Variants in ANO2 observed in about 807,000 individuals in gnomAD.
The protein encoded by ANO2 is anoctamin-2.
Under a neutral mutation model 124.2 loss-of-function variants are expected in ANO2, and 101 were observed. That is an observed-to-expected ratio of 0.81 (90% CI 0.69 to 0.96). The LOEUF (loss-of-function observed/expected upper bound fraction) is 0.96. ANO2 is among the 40% of genes least tolerant of loss of function. The pLI is 0.00. For synonymous variants in ANO2, 486 were observed against 482.5 expected, an observed-to-expected ratio of 1.01 and a Z score of -0.09; for missense variants, 1,293 against 1,274.5, an observed-to-expected ratio of 1.01 and a Z score of -0.22.
chr12:5,601,297 G>T (rs759740936), intron 19 of ANO2, among the ~76,000 whole-genome samples: 1 of 152,106 alleles, frequency 6.6e-6, no homozygotes, highest in Admixed American at 6.5e-5. Flanking sequence ...AATAAAGATA[G>T]ACAAATATAT....
chr12:5,850,684 C>T (rs1565721609), intron 4 of ANO2, among the ~76,000 whole-genome samples: 1 of 152,238 alleles, frequency 6.6e-6, no homozygotes, highest in East Asian at 1.9e-4. Context: ...TGGGCACCTG[C>T]ACTCCCCCTA....
chr12:5,906,163 G>A (rs765708919), intron 3 of ANO2, among the ~76,000 whole-genome samples: 2 of 152,062 alleles, frequency 1.3e-5, no homozygotes, highest in Non-Finnish European at 2.9e-5. Flanking sequence ...ATAATTGGGG[G>A]CAGGGCTAGG....
chr12:5,671,086 G>T (rs564490363), intron 14 of ANO2, among the ~76,000 whole-genome samples: 2 of 152,290 alleles, frequency 1.3e-5, no homozygotes, highest in East Asian at 3.9e-4. Context: ...TCAGAAAGGG[G>T]CTCCTCAAGG....
chr12:5,723,504 C>T (rs1490499912), intron 14 of ANO2, among the ~76,000 whole-genome samples: 1 of 151,768 alleles, frequency 6.6e-6, no homozygotes, highest in African/African-American at 2.4e-5. Context: ...TTCTCTTCTC[C>T]TACTCACCCA....
intron 7 of ANO2, among the ~76,000 whole-genome samples, chr12:5,815,307 G>C (rs1233604400): frequency 6.6e-6 from 1 of 152,160 alleles, no homozygotes; most frequent in African/African-American, 2.4e-5. Context: ...ACTCGGGGAG[G>C]GAGGTTACCA....
At chr12:5,721,997 C>T (rs1466018802) in intron 14 of ANO2, among the ~76,000 whole-genome samples, 2 of 152,150 alleles carry the variant, frequency 1.3e-5, no homozygotes, top group South Asian at 2.1e-4. Flanking sequence ...GGAAAATATG[C>T]GTAAATTGAA....
chr12:5,942,095 C>A (rs533215535), intron 1 of ANO2, among the ~76,000 whole-genome samples: 47 of 152,160 alleles, frequency 3.1e-4, no homozygotes, highest in African/African-American at 1.1e-3. Flanking sequence ...GATGGAGTGC[C>A]GCGTATCCCT....
At chr12:5,830,395 C>T in intron 6 of ANO2, 40 bp downstream of exon 6, 3 of 1,599,004 alleles carry the variant, frequency 1.9e-6, no homozygotes, top group Admixed American at 1.7e-5. Flanking sequence ...TCAGCCCTTT[C>T]CCCATCCTCT....
chr12:5,880,676 A>G (rs1241207142), intron 3 of ANO2, among the ~76,000 whole-genome samples: 3 of 152,190 alleles, frequency 2.0e-5, no homozygotes, highest in Non-Finnish European at 4.4e-5. Flanking sequence ...CTCAATTAAT[A>G]GAAATACCAA....
intron 19 of ANO2, among the ~76,000 whole-genome samples, chr12:5,604,341 C>T (rs1035607244): frequency 1.3e-5 from 2 of 152,122 alleles, no homozygotes; most frequent in African/African-American, 4.8e-5. Flanking sequence ...ACCCACGAGA[C>T]AACTAAGTAG....
chr12:5,754,141 A>G (rs1951513851), intron 10 of ANO2, among the ~76,000 whole-genome samples: 1 of 152,136 alleles, frequency 6.6e-6, no homozygotes, highest in Admixed American at 6.5e-5. Flanking sequence ...TGAGAATTTT[A>G]AATCGTGAAA....
At chr12:5,692,233 T>C (rs796637869) in intron 14 of ANO2, among the ~76,000 whole-genome samples, 1 of 152,004 alleles carries the variant, frequency 6.6e-6, no homozygotes, top group East Asian at 1.9e-4. Context: ...ATTTTAGTAG[T>C]AGAGTTAAAG....
intron 14 of ANO2, among the ~76,000 whole-genome samples, chr12:5,690,122 G>C (rs964364555): frequency 2.0e-5 from 3 of 152,052 alleles, no homozygotes; most frequent in Non-Finnish European, 4.4e-5. Context: ...TGACTGGCTG[G>C]AGTTAATGAT....
chr12:5,647,640 C>T (rs1361204805), intron 15 of ANO2, 87 bp downstream of exon 15: 1 of 1,092,958 alleles, frequency 9.1e-7, no homozygotes, highest in Non-Finnish European at 1.4e-6. Context: ...CTCATTATTT[C>T]CATAGCAGAA....
intron 7 of ANO2, among the ~76,000 whole-genome samples, chr12:5,814,059 C>T (rs1953520781): frequency 6.6e-6 from 1 of 152,168 alleles, no homozygotes; most frequent in African/African-American, 2.4e-5. Flanking sequence ...GGCTGCTGTG[C>T]TCTCTGGCTT....
rs767052296 is a variant in ANO2 at position 5,575,965 on chromosome 12, C to CTGGT, written c.2486_2489dup (p.Tyr831ProfsTer38). The CTGGT allele has an allele frequency of 6.2e-7, 1 of 1,612,884 alleles. No individual in the cohort carries two copies. On this transcript the variant is annotated frameshift_variant, in exon 23 of 25. Coordinates refer to ENST00000682330, the MANE Select transcript of ANO2 (RefSeq NM_001364791.2). LOFTEE classifies it high-confidence loss of function. ...GAGTCCCATTGTGACTGTAGGAGTA[C>CTGGT]TGGTACACCAGGCGGGGGATAAAGT...
intron 9 of ANO2, among the ~76,000 whole-genome samples, chr12:5,803,402 A>T (rs1371503244): frequency 1.3e-5 from 2 of 152,198 alleles, no homozygotes; most frequent in African/African-American, 4.8e-5. Flanking sequence ...TCAGTGGGTC[A>T]CTTACTAACT....
chr12:5,789,020 C>G (rs12318129), intron 10 of ANO2, among the ~76,000 whole-genome samples: 22,552 of 152,208 alleles, frequency 0.15, 1,852 homozygotes, highest in African/African-American at 0.22. Flanking sequence ...CATCCGAGAC[C>G]TAACCTTCTT....
chr12:5,852,048 C>T, intron 4 of ANO2: 1 of 703,350 alleles, frequency 1.4e-6, no homozygotes. Context: ...TTCAGATAAA[C>T]CAGAGAGAAA....
Sources: allele counts gnomAD v4.1 joint callset (sites outside exome capture counted in the v4.1 genomes callset), GRCh38; gene constraint gnomAD v4.1.1; transcripts MANE v1.5; gene names NCBI Gene and HGNC (gene_info 2026-07-23, HGNC 2026-07-21).